SLCO2B1: variants seen among roughly 807,000 people sequenced by gnomAD.
SLCO2B1 encodes solute carrier organic anion transporter family member 2B1.
Under a neutral mutation model 67.3 loss-of-function variants are expected in SLCO2B1, and 41 were observed. That is an observed-to-expected ratio of 0.61 (90% CI 0.47 to 0.79). The LOEUF is 0.79. Ranked by LOEUF, SLCO2B1 falls within the 30% of genes least tolerant of loss-of-function variation. The pLI is 0.00. For missense variants in SLCO2B1, 837 were observed against 920.1 expected, an observed-to-expected ratio of 0.91 and a Z score of 1.17; for synonymous variants, 379 against 381.4, an observed-to-expected ratio of 0.99 and a Z score of 0.07.
At chr11:75,189,476 G>A (rs542753791) in intron 8 of SLCO2B1, among the ~76,000 whole-genome samples, 8 of 152,086 alleles carry the variant, frequency 5.3e-5, no homozygotes, top group Non-Finnish European at 1.2e-4. Flanking sequence ...TATATATAAG[G>A]TACAATTATT....
Position 75,203,295 on chromosome 11 carries a change from C to G in SLCO2B1, c.1829-12C>G, listed in dbSNP as rs371845530. On this transcript the variant is annotated splice_polypyrimidine_tract_variant and intron_variant, in intron 12 of 13. Transcript: ENST00000289575. ...TGGGCCTTCATTGTCCCCTGAGCAC[C>G]ACCTCCCTCAGCCTGGATGCCCAGC... is the stretch of plus-strand genomic sequence containing the variant. 30 of 1,612,094 alleles carry G rather than the reference C, an allele frequency of 1.9e-5. No homozygotes were observed. The African/African-American group carries it at 3.7e-4, about 20-fold the overall frequency.
intron 7 of SLCO2B1, among the ~76,000 whole-genome samples, chr11:75,178,093 C>CAAAAAAAA (rs71804511): frequency 1.2e-5 from 1 of 84,388 alleles, no homozygotes; most frequent in African/African-American, 3.9e-5. Flanking sequence ...GATTCCATCT[C>CAAAAAAAA]AAAAAAAAAA....
At chr11:75,163,927 C>T in intron 2 of SLCO2B1, 36 bp from the exon 3 acceptor site, 2 of 1,572,338 alleles carry the variant, frequency 1.3e-6, no homozygotes, top group Non-Finnish European at 1.7e-6. Flanking sequence ...TCCCCCTGCA[C>T]CGCCCACCTC....
intron 1 of SLCO2B1, 101 bp downstream of exon 1, chr11:75,151,498 G>C: frequency 7.9e-7 from 1 of 1,267,212 alleles, no homozygotes; most frequent in Non-Finnish European, 1.1e-6. Context: ...GGTGGGATGG[G>C]TGCTCACAGC....
At chr11:75,186,585 T>C (rs571959431) in intron 7 of SLCO2B1, among the ~76,000 whole-genome samples, 5 of 152,156 alleles carry the variant, frequency 3.3e-5, no homozygotes, top group Non-Finnish European at 5.9e-5. Context: ...ACTCCTGGGC[T>C]CAAGCGATCC....
intron 10 of SLCO2B1, among the ~76,000 whole-genome samples, chr11:75,199,242 T>C (rs1945146278): frequency 6.6e-6 from 1 of 152,178 alleles, no homozygotes; most frequent in Non-Finnish European, 1.5e-5. Flanking sequence ...CACAGCTTCA[T>C]CATGTGCATT....
chr11:75,169,252 C>G lies in SLCO2B1; in HGVS notation c.528C>G (p.Asn176Lys). The G allele has an allele frequency of 6.2e-7, 1 of 1,614,202 alleles. No individual in the cohort carries two copies. The highest frequency in any genetic ancestry group is 8.5e-7 in the Non-Finnish European group (1 of 1,180,034). The stretch of plus-strand genomic sequence containing the variant: ...CAGCCTCGGCCCCCTCCAATGGCAA[C>G]TGCTCAAGCTACACAGAAACCCAGC... ...SAPASAPSNG[N>K]CSSYTETQHL... The change falls in exon 5 of 14, where the codon AAC becomes AAG. Residue 176 changes from asparagine to lysine, a missense_variant. By Grantham distance (94) the Asn-to-Lys change is moderately conservative. Transcript: ENST00000289575.
intron 7 of SLCO2B1, among the ~76,000 whole-genome samples, chr11:75,178,474 G>GT (rs1267834902): frequency 2.0e-5 from 3 of 152,038 alleles, no homozygotes; most frequent in African/African-American, 7.2e-5. Context: ...CTTTTTACAT[G>GT]TTTTTTAACT....
intron 7 of SLCO2B1, among the ~76,000 whole-genome samples, chr11:75,186,486 G>T (rs1264553532): frequency 6.6e-6 from 1 of 151,942 alleles, no homozygotes; most frequent in East Asian, 1.9e-4. Flanking sequence ...TGAGATTACA[G>T]GTGTGAGCCG....
At chr11:75,157,698 G>A (rs913103506) in intron 1 of SLCO2B1, among the ~76,000 whole-genome samples, 2 of 152,216 alleles carry the variant, frequency 1.3e-5, no homozygotes, top group African/African-American at 2.4e-5. Flanking sequence ...TCGTATAGAG[G>A]AGAAGAGATT....
chr11:75,170,594 G>A (rs1306393815), intron 6 of SLCO2B1, among the ~76,000 whole-genome samples: 1 of 152,320 alleles, frequency 6.6e-6, no homozygotes, highest in East Asian at 1.9e-4. Flanking sequence ...GGGAGCCTCA[G>A]GTGACGTGTG....
chr11:75,153,199 C>T (rs958085239), intron 1 of SLCO2B1, among the ~76,000 whole-genome samples: 4 of 152,208 alleles, frequency 2.6e-5, no homozygotes, highest in Admixed American at 6.5e-5. Context: ...TCCAGGAAGC[C>T]GTTCCAGATT....
intron 9 of SLCO2B1, among the ~76,000 whole-genome samples, chr11:75,194,077 T>C (rs938698747): frequency 6.6e-6 from 1 of 152,142 alleles, no homozygotes; most frequent in African/African-American, 2.4e-5. Flanking sequence ...TGGGAAAAGA[T>C]TGGACAGCAG....
chr11:75,197,967 G>T (rs1171515622), intron 10 of SLCO2B1, among the ~76,000 whole-genome samples: 1 of 152,218 alleles, frequency 6.6e-6, no homozygotes, highest in Non-Finnish European at 1.5e-5. Context: ...TGGGGGATTT[G>T]TGGGGGCAGC....
chr11:75,201,598 T>C (rs560319715), intron 11 of SLCO2B1: 97 of 152,372 alleles, frequency 6.4e-4, no homozygotes, highest in African/African-American at 2.3e-3. Flanking sequence ...ACCAGCCGTA[T>C]GCTGGGGTTT....
In SLCO2B1 at chr11:75,152,397, C is replaced by T. The variant is rs191906522; in HGVS notation, c.16+1000C>T. The T allele has an allele frequency of 2.6e-3, 401 of 152,466 alleles. 3 individuals are homozygous for T. Among genetic ancestry groups the T allele is most frequent in the Non-Finnish European group, 3.8e-3 (262 of 68,132 alleles). The allele number at this position is 152,466 out of a possible 1,614,324, so 9.4% of individuals were successfully genotyped here. Reference sequence around the variant, plus strand: ...TCATAGGCCATGGAGACAGACCCAGCTGAGGAGCAGCTGCAGGGACTCCAG... The same window carrying T: ...TCATAGGCCATGGAGACAGACCCAGTTGAGGAGCAGCTGCAGGGACTCCAG... On this transcript the variant is annotated intron_variant, in intron 1 of 13. Transcript: ENST00000289575.
chr11:75,152,164 A>AACACTGGC (rs1949699867), intron 1 of SLCO2B1, among the ~76,000 whole-genome samples: 1 of 152,252 alleles, frequency 6.6e-6, no homozygotes, highest in Non-Finnish European at 1.5e-5. Flanking sequence ...TGTTTCTGGG[A>AACACTGGC]ACAGAGCACC....
At position 75,193,607 on chromosome 11, in the gene SLCO2B1, C is replaced by A. The variant is rs778371805; in HGVS notation, c.1433+32C>A. On this transcript the variant is annotated intron_variant, in intron 9 of 13. Coordinates refer to ENST00000289575, the MANE Select transcript of SLCO2B1 (RefSeq NM_007256.5). The surrounding 1 kb of genome is among the most constrained non-coding windows in gnomAD (Gnocchi z 4.2). ...GTGTGCGTGGGCACGTAAAGGCAAG[C>A]CTGGGAGGACAGGACAGGGAGGACA... is the stretch of plus-strand genomic sequence containing the variant. The A allele has an allele frequency of 6.6e-7, 1 of 1,505,216 alleles. No individual in the cohort carries two copies. The highest frequency in any genetic ancestry group is 8.9e-7 in the Non-Finnish European group (1 of 1,126,684). 93.2% of individuals were successfully genotyped at this position (1,505,216 alleles called of 1,614,324 possible). A position where few individuals can be genotyped will look rare whatever the true frequency, so the allele number is the denominator to read the frequency against.
chr11:75,163,937 C>T, intron 2 of SLCO2B1, 26 bp from the exon 3 acceptor site: 1 of 1,582,974 alleles, frequency 6.3e-7, no homozygotes, highest in Non-Finnish European at 8.6e-7. Context: ...CCGCCCACCT[C>T]TGCCTGCCTC....
Sources: gnomAD v4.1 joint callset for allele counts (sites outside exome capture counted in the v4.1 genomes callset) on GRCh38, gnomAD v4.1.1 for gene constraint, Gnocchi (gnomAD v3.1) non-coding constraint, MANE v1.5 for transcripts, NCBI Gene and HGNC (gene_info 2026-07-23, HGNC 2026-07-21) for gene names.